BTF3L4: variants seen among roughly 807,000 people sequenced by gnomAD.
The protein encoded by BTF3L4 is transcription factor BTF3 homolog 4.
Under a neutral mutation model 16.8 loss-of-function variants are expected in BTF3L4, and 6 were observed. The ratio of observed to expected loss-of-function variants is 0.36; its 90% confidence interval spans 0.20 to 0.71. The LOEUF (loss-of-function observed/expected upper bound fraction) is 0.71. Among genes scored for constraint, BTF3L4 ranks in the 30% least tolerant of loss-of-function variants. BTF3L4 has a pLI of 0.58. For synonymous variants in BTF3L4, 39 were observed against 59.8 expected, an observed-to-expected ratio of 0.65 and a Z score of 1.60; for missense variants, 92 against 186.9, an observed-to-expected ratio of 0.49 and a Z score of 2.96.
intron 4 of BTF3L4, among the ~76,000 whole-genome samples, chr1:52,083,853 G>A (rs1267696304): frequency 6.6e-6 from 1 of 151,728 alleles, no homozygotes; most frequent in Non-Finnish European, 1.5e-5. Flanking sequence ...AACCTCGTCT[G>A]TACTAAAAAT....
At chr1:52,073,145 A>G (rs1392434267) in intron 3 of BTF3L4, among the ~76,000 whole-genome samples, 3 of 151,202 alleles carry the variant, frequency 2.0e-5, no homozygotes, top group Non-Finnish European at 4.4e-5. Flanking sequence ...TTGGCTGGGC[A>G]TGGTGGTGCA....
intron 3 of BTF3L4, among the ~76,000 whole-genome samples, chr1:52,071,895 G>T (rs1336995685): frequency 1.3e-5 from 2 of 149,764 alleles, no homozygotes; most frequent in African/African-American, 4.9e-5. Context: ...CTCTCTTAGG[G>T]TCCTGTTCTT....
chr1:52,057,740 C>A (rs1686409301), intron 1 of BTF3L4, among the ~76,000 whole-genome samples: 1 of 152,204 alleles, frequency 6.6e-6, no homozygotes, highest in Non-Finnish European at 1.5e-5. Flanking sequence ...ACTCTTGTTC[C>A]TCCCCTACTG....
chr1:52,071,856 C>G (rs544036112), intron 3 of BTF3L4, among the ~76,000 whole-genome samples: 5 of 151,572 alleles, frequency 3.3e-5, no homozygotes, highest in African/African-American at 9.7e-5. Flanking sequence ...ATGTCCTATT[C>G]ACTTTACCAT....
In BTF3L4 at chr1:52,089,056, A is replaced by G. The variant is rs1270730733; in HGVS notation, c.*2298A>G. 1.3e-5 allele frequency: 2 copies of G among 151,980 alleles called. No homozygotes were observed. The highest frequency in any genetic ancestry group is 3.9e-4 in the East Asian group (2 of 5,178). The allele number at this position is 151,980 out of a possible 1,614,324, so 9.4% of individuals were successfully genotyped here. A position where few individuals can be genotyped will look rare whatever the true frequency, so the allele number is the denominator to read the frequency against. On this transcript the variant is annotated 3_prime_UTR_variant, in exon 6 of 6. Transcript: ENST00000313334. ...ATTACAGGCGTGAGCCACTGCACCC[A>G]GCCCAAATGAGATGTTTCTAAATCT...
At chr1:52,076,580 C>T (rs1473542504) in intron 3 of BTF3L4, among the ~76,000 whole-genome samples, 2 of 144,500 alleles carry the variant, frequency 1.4e-5, no homozygotes, top group African/African-American at 2.6e-5. Flanking sequence ...GGTGACAGAG[C>T]GAGATTCTGT....
chr1:52,064,136 C>T (rs1330595876), intron 2 of BTF3L4, among the ~76,000 whole-genome samples: 1 of 152,212 alleles, frequency 6.6e-6, no homozygotes, highest in African/African-American at 2.4e-5. Flanking sequence ...CCCATTTTCT[C>T]TCTTCTAGAA....
chr1:52,060,912 A>G (rs1686492484), intron 2 of BTF3L4, among the ~76,000 whole-genome samples: 1 of 152,258 alleles, frequency 6.6e-6, no homozygotes, highest in African/African-American at 2.4e-5. Context: ...GAACCATAGA[A>G]TATACCTAGA....
chr1:52,082,935 G>A lies in BTF3L4; in HGVS notation c.169-405G>A, dbSNP rs552247820. Among the ~76,000 whole-genome samples, 8 of 152,132 alleles carry A rather than the reference G, an allele frequency of 5.3e-5. No individual in the cohort carries two copies. The East Asian group carries it at 1.5e-3, about 29-fold the overall frequency. ...TTCCCCTTTGTAACCAGTCCCCTAA[G>A]TAAGATGCTACCCTGCCAAGTGGAA... On this transcript the variant is annotated intron_variant, in intron 3 of 5. Coordinates refer to ENST00000313334, the MANE Select transcript of BTF3L4 (RefSeq NM_152265.5).
intron 3 of BTF3L4, among the ~76,000 whole-genome samples, chr1:52,082,242 A>C (rs1050076839): frequency 7.2e-5 from 11 of 152,252 alleles, no homozygotes; most frequent in Admixed American, 7.2e-4. Flanking sequence ...TAAACCTTCC[A>C]TTTCAGTAAG....
At chr1:52,071,981 A>C (rs1204566213) in intron 3 of BTF3L4, among the ~76,000 whole-genome samples, 2 of 141,386 alleles carry the variant, frequency 1.4e-5, no homozygotes, top group African/African-American at 2.6e-5. Flanking sequence ...GTGTAGATAT[A>C]TCTATATATA....
intron 2 of BTF3L4, among the ~76,000 whole-genome samples, chr1:52,063,379 T>G (rs1344487479): frequency 6.6e-6 from 1 of 152,152 alleles, no homozygotes; most frequent in Non-Finnish European, 1.5e-5. Context: ...CAGGAATGCT[T>G]CACAAATGAG....
At chr1:52,073,173 A>G (rs1479119170) in intron 3 of BTF3L4, among the ~76,000 whole-genome samples, 2 of 152,156 alleles carry the variant, frequency 1.3e-5, no homozygotes, top group Middle Eastern at 3.4e-3. Context: ...AATCCTAGCT[A>G]CTCAGAAGGC....
chr1:52,066,028 C>A (rs1686638886), intron 3 of BTF3L4, among the ~76,000 whole-genome samples: 1 of 151,548 alleles, frequency 6.6e-6, no homozygotes, highest in Non-Finnish European at 1.5e-5. Flanking sequence ...ACAGAGTGAG[C>A]ATCCGTCTCA....
chr1:52,058,861 A>T (rs1686440893), intron 1 of BTF3L4, among the ~76,000 whole-genome samples: 1 of 152,148 alleles, frequency 6.6e-6, no homozygotes, highest in South Asian at 2.1e-4. Flanking sequence ...CGGCCTCCCA[A>T]AGTGCTGGGA....
At chr1:52,073,400 A>G (rs953411006) in intron 3 of BTF3L4, among the ~76,000 whole-genome samples, 5 of 152,000 alleles carry the variant, frequency 3.3e-5, no homozygotes, top group Admixed American at 6.6e-5. Context: ...CCTACCACCC[A>G]GAGAGAGCTA....
At chr1:52,061,725 C>T (rs1260551620) in intron 2 of BTF3L4, among the ~76,000 whole-genome samples, 1 of 149,668 alleles carries the variant, frequency 6.7e-6, no homozygotes, top group African/African-American at 2.5e-5. Context: ...ACTGCAACCT[C>T]CGCCTCCTGG....
At chr1:52,079,334 G>C (rs956861913) in intron 3 of BTF3L4, among the ~76,000 whole-genome samples, 20 of 144,064 alleles carry the variant, frequency 1.4e-4, no homozygotes, top group Non-Finnish European at 2.1e-4. Context: ...GTGAGCAGAG[G>C]TCACATCACT....
At chr1:52,058,031 C>CT (rs938585812) in intron 1 of BTF3L4, among the ~76,000 whole-genome samples, 64 of 151,122 alleles carry the variant, frequency 4.2e-4, no homozygotes, top group East Asian at 2.1e-3. Flanking sequence ...TCCTTAGCCC[C>CT]TTTTTTTTTG....
Sources: gnomAD v4.1 joint callset for allele counts (sites outside exome capture counted in the v4.1 genomes callset) on GRCh38, gnomAD v4.1.1 for gene constraint, MANE v1.5 for transcripts, NCBI Gene and HGNC (gene_info 2026-07-23, HGNC 2026-07-21) for gene names.